Variants in GSG1L observed in about 807,000 individuals in gnomAD.
GSG1L encodes the protein GSG1 like, also known as germ cell-specific gene 1-like protein.
GSG1L carries 24 observed loss-of-function variants against 42.1 expected under a neutral mutation model. The observed-to-expected ratio is 0.57, with a 90% CI of 0.41 to 0.80. The LOEUF (loss-of-function observed/expected upper bound fraction) is 0.80, where lower values mean the gene tolerates loss of function less well. Ranked by LOEUF, GSG1L falls within the 30% of genes least tolerant of loss-of-function variation. The pLI is 0.00. For synonymous variants in GSG1L, 215 were observed against 203.5 expected, an observed-to-expected ratio of 1.06 and a Z score of -0.48; for missense variants, 445 against 472.2, an observed-to-expected ratio of 0.94 and a Z score of 0.53.
intron 1 of GSG1L, among the ~76,000 whole-genome samples, chr16:28,052,313 G>C (rs2086229977): frequency 6.6e-6 from 1 of 151,798 alleles, no homozygotes; most frequent in South Asian, 2.1e-4. Context: ...TATTTTTTTA[G>C]AGATTGGGTC....
chr16:27,907,621 A>G (rs1165737687), intron 2 of GSG1L, among the ~76,000 whole-genome samples: 1 of 152,200 alleles, frequency 6.6e-6, no homozygotes. Context: ...TTAATTGGGG[A>G]GCTGCTCTGT....
chr16:27,817,203 A>C (rs1410409508), intron 5 of GSG1L, among the ~76,000 whole-genome samples: 1 of 152,148 alleles, frequency 6.6e-6, no homozygotes, highest in Non-Finnish European at 1.5e-5. Flanking sequence ...CAGGGGCGTT[A>C]TCAGGGGGCC....
intron 1 of GSG1L, among the ~76,000 whole-genome samples, chr16:28,002,995 G>A (rs576569513): frequency 3.0e-4 from 45 of 152,174 alleles, no homozygotes; most frequent in Middle Eastern, 3.2e-3. Flanking sequence ...AGCATCCCAG[G>A]CAAAAGGCAC....
intron 2 of GSG1L, among the ~76,000 whole-genome samples, chr16:27,960,898 C>G (rs867753188): frequency 1.3e-5 from 2 of 151,668 alleles, no homozygotes; most frequent in Non-Finnish European, 2.9e-5. Context: ...GGCTGCCAAG[C>G]CCTAAAAGTA....
intron 2 of GSG1L, among the ~76,000 whole-genome samples, chr16:27,941,757 C>T (rs878876241): frequency 2.6e-5 from 4 of 151,666 alleles, no homozygotes; most frequent in Non-Finnish European, 4.4e-5. Flanking sequence ...TACATCCATG[C>T]GATGGCATAT....
rs1402557904 is a variant in GSG1L at position 27,896,324 on chromosome 16, G to A, written c.398-11686C>T. The stretch of plus-strand genomic sequence containing the variant: ...AGCCCCTGGGGCTGGCTGAATAAGG[G>A]CTCTCAAAGGTGTCCCCTTCCTAAT... On this transcript the variant is annotated intron_variant, in intron 2 of 6. Coordinates refer to ENST00000447459, the MANE Select transcript of GSG1L (RefSeq NM_001109763.2). 2.0e-5 allele frequency among the ~76,000 whole-genome samples: 3 copies of A among 152,262 alleles called. No individual in the cohort carries two copies. The East Asian group carries it at 5.8e-4, about 29-fold the overall frequency.
intron 3 of GSG1L, among the ~76,000 whole-genome samples, chr16:27,873,692 T>G (rs2083851654): frequency 6.6e-6 from 1 of 152,176 alleles, no homozygotes; most frequent in Non-Finnish European, 1.5e-5. Context: ...GAATTAAAAT[T>G]AAGGTCCTAT....
chr16:27,864,609 G>T (rs2083693280), intron 3 of GSG1L, among the ~76,000 whole-genome samples: 2 of 152,216 alleles, frequency 1.3e-5, no homozygotes, highest in Admixed American at 6.5e-5. Flanking sequence ...TGACATTACA[G>T]AATGACCTTT....
chr16:27,810,714 G>A (rs1021128311), intron 5 of GSG1L, among the ~76,000 whole-genome samples: 1 of 151,262 alleles, frequency 6.6e-6, no homozygotes, highest in African/African-American at 2.4e-5. Flanking sequence ...TTTAGATGGA[G>A]TCTCACTCTG....
intron 2 of GSG1L, among the ~76,000 whole-genome samples, chr16:27,911,041 C>CA (rs1489193248): frequency 6.6e-6 from 1 of 151,966 alleles, no homozygotes; most frequent in Non-Finnish European, 1.5e-5. Flanking sequence ...AACAAAAATA[C>CA]AAAAAATTCC....
At position 28,059,738 on chromosome 16, in the gene GSG1L, T is replaced by C. The variant is rs1176753823; in HGVS notation, c.349+3338A>G. Among the ~76,000 whole-genome samples, 4 of 152,024 alleles carry C rather than the reference T, an allele frequency of 2.6e-5. No individual in the cohort carries two copies. In the East Asian group the frequency reaches 7.7e-4, roughly 29 times the overall value. On this transcript the variant is annotated intron_variant, in intron 1 of 6. Coordinates refer to ENST00000447459, the MANE Select transcript of GSG1L (RefSeq NM_001109763.2). This position sits in a 1 kb window ranked among gnomAD's most constrained non-coding sequence, Gnocchi z 4.4. ...CGTCTCAACCAGAAGAGAAATCCAA[T>C]TTGTGTGAAGGGCTTGGGGTGACTC... is the stretch of plus-strand genomic sequence containing the variant.
chr16:27,919,628 G>GA (rs1363944057), intron 2 of GSG1L, among the ~76,000 whole-genome samples: 3 of 152,134 alleles, frequency 2.0e-5, no homozygotes, highest in Non-Finnish European at 4.4e-5. Context: ...CAAGAAGATG[G>GA]AAAACTCCAA....
chr16:28,011,429 G>A (rs529930108), intron 1 of GSG1L, among the ~76,000 whole-genome samples: 2 of 152,328 alleles, frequency 1.3e-5, no homozygotes, highest in East Asian at 1.9e-4. Context: ...CTGCCTCGGC[G>A]GTCAGGGACA....
chr16:27,840,300 G>C (rs1483113118), intron 4 of GSG1L, among the ~76,000 whole-genome samples: 1 of 152,030 alleles, frequency 6.6e-6, no homozygotes, highest in Non-Finnish European at 1.5e-5. Context: ...GCCTCCCAAG[G>C]TGCTGGGATT....
chr16:27,794,781 C>T (rs778415875), intron 6 of GSG1L, among the ~76,000 whole-genome samples: 6 of 152,170 alleles, frequency 3.9e-5, no homozygotes, highest in Non-Finnish European at 8.8e-5. Flanking sequence ...AGGCAGATCC[C>T]AGCCTGTGTC....
intron 4 of GSG1L, among the ~76,000 whole-genome samples, chr16:27,839,997 T>C (rs1473666961): frequency 6.6e-6 from 1 of 151,640 alleles, no homozygotes; most frequent in Admixed American, 6.6e-5. Context: ...TGCCTCCCAC[T>C]GTGCACAGCA....
At position 27,884,782 on chromosome 16, in the gene GSG1L, G is replaced by A. The variant is rs2084008678; in HGVS notation, c.398-144C>T. 2 of 762,126 alleles carry A rather than the reference G, an allele frequency of 2.6e-6. No homozygotes were observed. The highest frequency in any genetic ancestry group is 4.1e-6 in the Non-Finnish European group (2 of 493,560). The allele number at this position is 762,126 out of a possible 1,614,324, so 47.2% of individuals were successfully genotyped here. On this transcript the variant is annotated intron_variant, in intron 2 of 6. Transcript: ENST00000447459. The surrounding 1 kb of genome is among the most constrained non-coding windows in gnomAD (Gnocchi z 4.4). ...CTGGGGGAGGTCCTGATGGAAGCCT[G>A]TCATGGCCGTCCCATCCTTGTCTGC...
chr16:28,027,959 C>T (rs909312097), intron 1 of GSG1L, among the ~76,000 whole-genome samples: 2 of 152,130 alleles, frequency 1.3e-5, no homozygotes, highest in African/African-American at 2.4e-5. Context: ...GCTGTGATTG[C>T]GCCACTGCAC....
intron 3 of GSG1L, among the ~76,000 whole-genome samples, chr16:27,855,117 G>A (rs1368698678): frequency 2.0e-5 from 3 of 152,086 alleles, no homozygotes; most frequent in African/African-American, 4.8e-5. Context: ...GTGCTCGACC[G>A]TGATGGTGGA....
Sources: allele counts gnomAD v4.1 joint callset (sites outside exome capture counted in the v4.1 genomes callset), GRCh38; gene constraint gnomAD v4.1.1; non-coding constraint Gnocchi (gnomAD v3.1); transcripts MANE v1.5; gene names NCBI Gene and HGNC (gene_info 2026-07-23, HGNC 2026-07-21).